The following MIER1 variants were observed in gnomAD, a reference collection of about 807,000 sequenced individuals.
MIER1 encodes mesoderm induction early response protein 1.
Under a neutral mutation model 75.7 loss-of-function variants are expected in MIER1, and 40 were observed. That is an observed-to-expected ratio of 0.53 (90% CI 0.41 to 0.69). The LOEUF is 0.69. Among genes scored for constraint, MIER1 ranks in the 30% least tolerant of loss-of-function variants. MIER1 has a pLI of 0.00. For missense variants in MIER1, 574 were observed against 680.2 expected, an observed-to-expected ratio of 0.84 and a Z score of 1.74; for synonymous variants, 213 against 223.4, an observed-to-expected ratio of 0.95 and a Z score of 0.42.
intron 7 of MIER1, 49 bp downstream of exon 7, chr1:66,959,792 T>TA: frequency 1.1e-6 from 1 of 929,304 alleles, no homozygotes; most frequent in Non-Finnish European, 1.5e-6. Context: ...AATATTTTTT[T>TA]AAAAAGCCTC....
intron 4 of MIER1, 94 bp downstream of exon 4, chr1:66,946,389 T>C (rs1570238720): frequency 6.9e-7 from 1 of 1,457,624 alleles, no homozygotes; most frequent in Non-Finnish European, 9.0e-7. Context: ...AGGAGAGAAA[T>C]TGTGTTATAT....
At chr1:66,971,832 A>G (rs1203500517) in intron 10 of MIER1, 96 bp downstream of exon 10, 1 of 596,188 alleles carries the variant, frequency 1.7e-6, no homozygotes, top group African/African-American at 1.9e-5. Flanking sequence ...AATAATACTG[A>G]TTTTTCTGAG....
chr1:66,967,629 G>T (rs1348882309), intron 8 of MIER1, among the ~76,000 whole-genome samples: 1 of 150,398 alleles, frequency 6.6e-6, no homozygotes, highest in African/African-American at 2.4e-5. Context: ...ATCCATGAAT[G>T]TGGAATATCA....
At chr1:66,955,336 GTTTTT>G (rs34006160) in intron 4 of MIER1, among the ~76,000 whole-genome samples, 32 of 59,966 alleles carry the variant, frequency 5.3e-4, no homozygotes, top group African/African-American at 2.0e-3. Context: ...CATCACCTGA[GTTTTT>G]TTTTTTTTTT....
intron 2 of MIER1, among the ~76,000 whole-genome samples, chr1:66,934,127 T>A (rs1254574090): frequency 6.6e-6 from 1 of 152,220 alleles, no homozygotes; most frequent in Non-Finnish European, 1.5e-5. Flanking sequence ...AATTGAGATT[T>A]TTTTAACAGT....
intron 3 of MIER1, among the ~76,000 whole-genome samples, chr1:66,945,415 T>G (rs1657390278): frequency 6.6e-6 from 1 of 151,472 alleles, no homozygotes; most frequent in Non-Finnish European, 1.5e-5. Flanking sequence ...AAGACAGAGG[T>G]TTTTTTGTTT....
Position 66,986,364 on chromosome 1 carries a change from T to A in MIER1, c.*1464T>A. ...CTGATAGACCAACCTATATCCAAAC[T>A]TTTATAAAATATTAATTATTCTTGT... On this transcript the variant is annotated 3_prime_UTR_variant, in exon 14 of 14. Transcript: ENST00000401041. The A allele has an allele frequency of 6.3e-7, 1 of 1,597,548 alleles. No homozygotes were observed. Among genetic ancestry groups the A allele is most frequent in the Non-Finnish European group, 8.5e-7 (1 of 1,173,628 alleles).
chr1:66,983,770 C>T (rs541164252), intron 13 of MIER1, among the ~76,000 whole-genome samples: 1 of 152,148 alleles, frequency 6.6e-6, no homozygotes, highest in Non-Finnish European at 1.5e-5. Flanking sequence ...CTTTGTCGCC[C>T]AGGCTGGAAT....
At position 66,947,108 on chromosome 1, in the gene MIER1, C is replaced by T. The variant is rs376328547; in HGVS notation, c.339+813C>T. 4.8e-5 allele frequency: 26 copies of T among 541,594 alleles called. No homozygotes were observed. In the East Asian group the frequency reaches 5.9e-4, roughly 12 times the overall value. The allele number at this position is 541,594 out of a possible 1,614,324, so 33.5% of individuals were successfully genotyped here. A position where few individuals can be genotyped will look rare whatever the true frequency, so the allele number is the denominator to read the frequency against. ...AAGCAGATTTTTTGGACCTCTCCCC[C>T]GGCATACTGAATCAGAATCTCTGGA... On this transcript the variant is annotated intron_variant, in intron 4 of 13. Transcript: ENST00000401041.
At chr1:66,972,239 T>TATATATATATACTAC (rs1296393441) in intron 10 of MIER1, among the ~76,000 whole-genome samples, 1 of 68,866 alleles carries the variant, frequency 1.5e-5, no homozygotes, top group Non-Finnish European at 2.8e-5. Flanking sequence ...ACACTACATA[T>TATATATATATACTAC]ATATATATAT....
At chr1:66,973,076 T>C in intron 11 of MIER1, 85 bp downstream of exon 11, 1 of 726,510 alleles carries the variant, frequency 1.4e-6, no homozygotes, top group Non-Finnish European at 2.4e-6. Flanking sequence ...TTATATTGTC[T>C]AGTGTTAAAG....
At chr1:66,966,349 T>C (rs1179097434) in intron 8 of MIER1, among the ~76,000 whole-genome samples, 2 of 152,200 alleles carry the variant, frequency 1.3e-5, no homozygotes, top group African/African-American at 4.8e-5. Context: ...TCCATATCCC[T>C]ACAAAGGACA....
chr1:66,970,410 A>G (rs2101867606), intron 8 of MIER1, among the ~76,000 whole-genome samples: 1 of 152,336 alleles, frequency 6.6e-6, no homozygotes, highest in African/African-American at 2.4e-5. Flanking sequence ...ATGTGCCAGA[A>G]TGATTGTAAA....
Position 66,958,051 on chromosome 1 carries a change from T to TTA in MIER1, c.340-6_340-5dup. The stretch of plus-strand genomic sequence containing the variant: ...TTCAGAGATTACCTTTTATTTTGAT[T>TTA]TATTTAGGAAGGCGACATGCCAATT... On this transcript the variant is annotated splice_region_variant and splice_polypyrimidine_tract_variant and intron_variant, in intron 4 of 13. Transcript: ENST00000401041. 6.4e-7 allele frequency: 1 copy of TTA among 1,552,852 alleles called. No homozygotes were observed. Among genetic ancestry groups the TTA allele is most frequent in the Non-Finnish European group, 8.7e-7 (1 of 1,145,046 alleles).
rs1666959670 is a variant in MIER1 at position 66,987,760 on chromosome 1, C to T, written c.*2860C>T. 1 of 148,086 alleles carries T rather than the reference C, an allele frequency of 6.8e-6. No individual in the cohort carries two copies. The highest frequency in any genetic ancestry group is 1.5e-5 in the Non-Finnish European group (1 of 67,196). 9.2% of individuals were successfully genotyped at this position (148,086 alleles called of 1,614,324 possible). On this transcript the variant is annotated 3_prime_UTR_variant, in exon 14 of 14. Transcript: ENST00000401041. ...TGAATGATGCATGTTATTGACAAGG[C>T]AAATATATATATATACACAGTCTGT...
intron 2 of MIER1, among the ~76,000 whole-genome samples, chr1:66,935,840 AAACAGATATCTCTATTTTT>A (rs533922197): frequency 4.8e-4 from 73 of 152,294 alleles, no homozygotes; most frequent in African/African-American, 1.6e-3. Context: ...CTATCAACAC[AAACAGATATCTCTATTTTT>A]AATGGAGTCA....
At position 66,956,830 on chromosome 1, in the gene MIER1, A is replaced by G. The variant is rs182028243; in HGVS notation, c.340-1229A>G. Among the ~76,000 whole-genome samples the G allele has an allele frequency of 1.1e-3, 169 of 152,356 alleles. 1 individual carries two copies. The highest frequency in any genetic ancestry group is 9.9e-3 in the Admixed American group (151 of 15,304). ...TGACAGTTTCTTCCTAGTTCTTCCT[A>G]AGAAAATCTTTTCAAATGATAATCA... On this transcript the variant is annotated intron_variant, in intron 4 of 13. Transcript: ENST00000401041.
chr1:66,983,475 T>C (rs1156916576), intron 13 of MIER1, among the ~76,000 whole-genome samples: 1 of 150,496 alleles, frequency 6.6e-6, no homozygotes, highest in East Asian at 1.9e-4. Flanking sequence ...GCACCCTATA[T>C]TTTACTTCTT....
chr1:66,941,105 C>T (rs1656100179), intron 3 of MIER1, among the ~76,000 whole-genome samples: 1 of 152,100 alleles, frequency 6.6e-6, no homozygotes, highest in Non-Finnish European at 1.5e-5. Context: ...ATAAGATAAG[C>T]CTGTTTTCAT....
Sources: gnomAD v4.1 joint callset for allele counts (sites outside exome capture counted in the v4.1 genomes callset) on GRCh38, gnomAD v4.1.1 for gene constraint, MANE v1.5 for transcripts, NCBI Gene and HGNC (gene_info 2026-07-23, HGNC 2026-07-21) for gene names.